The following CHFR variants were observed in gnomAD, a reference collection of about 807,000 sequenced individuals.
The protein encoded by CHFR is checkpoint with forkhead and ring finger domains.
In CHFR, 57 loss-of-function variants were observed where a neutral mutation model predicts 87.6. The ratio of observed to expected loss-of-function variants is 0.65; its 90% CI spans 0.53 to 0.81. The LOEUF (loss-of-function observed/expected upper bound fraction) is 0.81, where lower values mean the gene tolerates loss of function less well. CHFR is among the 30% of genes least tolerant of loss of function. The pLI is 0.00. For synonymous variants in CHFR, 381 were observed against 359.2 expected, an observed-to-expected ratio of 1.06 and a Z score of -0.69; for missense variants, 797 against 865.8, an observed-to-expected ratio of 0.92 and a Z score of 1.00.
intron 6 of CHFR, chr12:132,862,038 C>T (rs919831338): frequency 1.5e-4 from 31 of 202,340 alleles, no homozygotes; most frequent in Non-Finnish European, 2.7e-4. Flanking sequence ...GTTGGGAGGC[C>T]GAAGCAAGTG....
chr12:132,835,698 G>A lies in CHFR; in HGVS notation c.*5856C>T, dbSNP rs1011592372. ...CCAGAACTGTGAGAAAATACTTTCT[G>A]TTGTTTAAGCCGCCTGTTCTGCGGC... is the stretch of plus-strand genomic sequence containing the variant. On this transcript the variant is annotated 3_prime_UTR_variant, in exon 18 of 18. Transcript: ENST00000450056. The A allele has an allele frequency of 4.4e-5, 10 of 229,740 alleles. No individual in the cohort carries two copies. Among genetic ancestry groups the A allele is most frequent in the Non-Finnish European group, 7.0e-5 (8 of 113,536 alleles). 14.2% of individuals were successfully genotyped at this position (229,740 alleles called of 1,614,324 possible). A position where few individuals can be genotyped will look rare whatever the true frequency, so the allele number is the denominator to read the frequency against.
intron 10 of CHFR, 125 bp downstream of exon 10, chr12:132,856,343 C>T (rs773146658): frequency 9.9e-7 from 1 of 1,011,190 alleles, no homozygotes; most frequent in Non-Finnish European, 1.5e-6. Context: ...CATTTAAGAG[C>T]TTGGCTGCTC....
intron 5 of CHFR, 141 bp downstream of exon 5, chr12:132,870,583 C>T: frequency 1.8e-6 from 1 of 544,178 alleles, no homozygotes; most frequent in Non-Finnish European, 3.3e-6. Context: ...TTGCTTGAAC[C>T]CAGGAGGCGG....
chr12:132,874,451 G>A (rs868078857), intron 3 of CHFR, among the ~76,000 whole-genome samples: 130 of 148,916 alleles, frequency 8.7e-4, no homozygotes, highest in Non-Finnish European at 6.5e-4. Flanking sequence ...TGATGTAGGC[G>A]GGAAGGCCCA....
chr12:132,843,269 C>T (rs1226489878), intron 16 of CHFR, among the ~76,000 whole-genome samples, 186 bp from the exon 17 acceptor site: 1 of 151,990 alleles, frequency 6.6e-6, no homozygotes, highest in Non-Finnish European at 1.5e-5. Flanking sequence ...TAACTAAAAA[C>T]CCAACTGAGG....
chr12:132,879,211 G>A (rs1437109045), intron 2 of CHFR, among the ~76,000 whole-genome samples: 2 of 151,700 alleles, frequency 1.3e-5, no homozygotes, highest in Non-Finnish European at 2.9e-5. Flanking sequence ...TCACCATGCT[G>A]GTCTTGAACT....
chr12:132,848,289 T>C (rs1422271028), intron 13 of CHFR, 134 bp from the exon 14 acceptor site: 8 of 1,498,026 alleles, frequency 5.3e-6, no homozygotes, highest in Non-Finnish European at 7.3e-6. Context: ...ATGATAAAAC[T>C]CAATTTTAAA....
In CHFR at chr12:132,844,030, G is replaced by C; in HGVS notation, c.1840C>G (p.Pro614Ala). 1.2e-6 allele frequency: 2 copies of C among 1,609,764 alleles called. No individual in the cohort carries two copies. Among genetic ancestry groups the C allele is most frequent in the African/African-American group, 2.7e-5 (2 of 74,938 alleles). Residue 614 changes from proline (P) to alanine (A), a missense_variant, in exon 16 of 18, where the codon CCA becomes GCA. Transcript: ENST00000450056. The stretch of plus-strand genomic sequence containing the variant: ...GAGGAAGTCGGGGGCTCCTTACCTG[G>C]CAACTCGGAAGCAGGAATGTTCTGC... ...YRQNIPASEL[P>A]VAVTSRPDCY...
In CHFR at chr12:132,887,199, G is replaced by C. The variant is rs1221878184; in HGVS notation, c.130C>G (p.Arg44Gly). The C allele has an allele frequency of 1.3e-6, 2 of 1,495,004 alleles. No homozygotes were observed. The highest frequency in any genetic ancestry group is 1.8e-6 in the Non-Finnish European group (2 of 1,129,164). 92.6% of individuals were successfully genotyped at this position (1,495,004 alleles called of 1,614,324 possible). A position where few individuals can be genotyped will look rare whatever the true frequency, so the allele number is the denominator to read the frequency against. Residue 44 changes from arginine to glycine, a missense_variant, in exon 2 of 18, where the codon CGA becomes GGA. Coordinates refer to ENST00000450056, the MANE Select transcript of CHFR (RefSeq NM_001161346.2). ...RKREWTIGRRRGCDLSFPSNK... is the reference protein window; with the variant it reads ...RKREWTIGRRGGCDLSFPSNK... The stretch of plus-strand genomic sequence containing the variant: ...GGCCCCGGCCTCAGCCCCGCACCTC[G>C]TCTCCGCCCGATGGTCCACTCCCGC...
At position 132,836,693 on chromosome 12, in the gene CHFR, C is replaced by T. The variant is rs1257421140; in HGVS notation, c.*4861G>A. 1 of 456,126 alleles carries T rather than the reference C, an allele frequency of 2.2e-6. No individual in the cohort carries two copies. Among genetic ancestry groups the T allele is most frequent in the Non-Finnish European group, 4.4e-6 (1 of 226,818 alleles). 28.3% of individuals were successfully genotyped at this position (456,126 alleles called of 1,614,324 possible). ...CTGTGTGAGGAACTTTAAGACCCCA[C>T]CATCTAGACTCACCGCCTCAGAAGG... On this transcript the variant is annotated 3_prime_UTR_variant, in exon 18 of 18. Transcript: ENST00000450056.
chr12:132,855,852 T>C (rs181455609), intron 10 of CHFR, among the ~76,000 whole-genome samples: 5 of 142,340 alleles, frequency 3.5e-5, no homozygotes, highest in Admixed American at 3.5e-4. Context: ...AAGTTTCAAG[T>C]GTTTTTTTTT....
chr12:132,849,003 G>C, intron 12 of CHFR: 1 of 389,428 alleles, frequency 2.6e-6, no homozygotes, highest in South Asian at 3.9e-5. Flanking sequence ...CTGGAGTACA[G>C]GGGAACAATC....
At position 132,861,538 on chromosome 12, in the gene CHFR, G is replaced by A; in HGVS notation, c.680C>T (p.Thr227Ile). ...SFASALPDRK[T>I]ASFSSLEPQD... The stretch of plus-strand genomic sequence containing the variant: ...GGGTTCCAACGACGAAAAGGACGCA[G>A]TCTTTCTGTCTGGGAGAGCTGAGGC... The change falls in exon 7 of 18, where the codon ACT (threonine) becomes ATT (isoleucine). Residue 227 changes from threonine to isoleucine, a missense_variant. Physicochemically the swap from Thr to Ile is moderately conservative, Grantham distance 89. Transcript: ENST00000450056. 2 of 1,614,238 alleles carry A rather than the reference G, an allele frequency of 1.2e-6. No individual in the cohort carries two copies. The highest frequency in any genetic ancestry group is 1.7e-6 in the Non-Finnish European group (2 of 1,180,036).
Position 132,851,752 on chromosome 12 carries a change from C to T in CHFR, c.1373-15G>A. 1.2e-6 allele frequency: 2 copies of T among 1,604,774 alleles called. No individual in the cohort carries two copies. The highest frequency in any genetic ancestry group is 1.7e-6 in the Non-Finnish European group (2 of 1,173,600). ...ATCCTGGACTGCTGAAGCACACGCACATTCAGCCGGAGCACGTGGGACCCA... is the reference window on the plus strand; with the variant it reads ...ATCCTGGACTGCTGAAGCACACGCATATTCAGCCGGAGCACGTGGGACCCA... On this transcript the variant is annotated splice_polypyrimidine_tract_variant and intron_variant, in intron 11 of 17. Transcript: ENST00000450056.
intron 6 of CHFR, among the ~76,000 whole-genome samples, chr12:132,863,438 G>A (rs937195380): frequency 6.6e-5 from 10 of 151,990 alleles, no homozygotes; most frequent in African/African-American, 2.2e-4. Flanking sequence ...CCCAGGAGGC[G>A]GAGTTGCAGC....
intron 2 of CHFR, 97 bp from the exon 3 acceptor site, chr12:132,877,751 TC>T: frequency 1.5e-6 from 1 of 678,340 alleles, no homozygotes; most frequent in Non-Finnish European, 2.5e-6. Flanking sequence ...CAACTCAGGA[TC>T]CCCATTGTAC....
chr12:132,886,257 C>T (rs1951891111), intron 2 of CHFR, among the ~76,000 whole-genome samples: 1 of 151,880 alleles, frequency 6.6e-6, no homozygotes, highest in African/African-American at 2.4e-5. Flanking sequence ...GTGCAGTGAG[C>T]TGAGATCACA....
intron 2 of CHFR, among the ~76,000 whole-genome samples, chr12:132,880,930 A>G (rs539699827): frequency 1.1e-4 from 17 of 152,244 alleles, no homozygotes; most frequent in African/African-American, 3.6e-4. Flanking sequence ...ACGCCACTGC[A>G]CTCCAGCCTG....
chr12:132,876,093 T>A (rs1951625809), intron 3 of CHFR, among the ~76,000 whole-genome samples: 1 of 151,310 alleles, frequency 6.6e-6, no homozygotes, highest in Non-Finnish European at 1.5e-5. Flanking sequence ...GGAGAATGGC[T>A]GGAACCTGGG....
Sources: allele counts gnomAD v4.1 joint callset (sites outside exome capture counted in the v4.1 genomes callset), GRCh38; gene constraint gnomAD v4.1.1; transcripts MANE v1.5; gene names NCBI Gene and HGNC (gene_info 2026-07-23, HGNC 2026-07-21).